The following PLCB1 variants were observed in gnomAD, a reference collection of about 807,000 sequenced individuals.
The protein encoded by PLCB1 is 1-phosphatidylinositol 4,5-bisphosphate phosphodiesterase beta-1.
In PLCB1, 46 loss-of-function variants were observed where a neutral mutation model predicts 161.8. The observed-to-expected ratio is 0.28, with a 90% confidence interval of 0.22 to 0.36. PLCB1 has a LOEUF of 0.36. Among genes scored for constraint, PLCB1 ranks in the 10% least tolerant of loss-of-function variants. The probability of loss-of-function intolerance (pLI) is 1.00; values close to 1 mark genes in which losing one functional copy is unlikely to be tolerated. For missense variants in PLCB1, 1,016 were observed against 1,472.5 expected (o/e 0.69, Z 5.07); for synonymous variants, 517 against 503.7 (o/e 1.03, Z -0.35).
intron 31 of PLCB1, among the ~76,000 whole-genome samples, chr20:8,793,262 C>G (rs759528046): frequency 3.9e-5 from 6 of 152,028 alleles, no homozygotes; most frequent in Admixed American, 3.3e-4. Flanking sequence ...GGATGAGGAA[C>G]GTGAGCTGAC....
intron 3 of PLCB1, among the ~76,000 whole-genome samples, chr20:8,622,802 C>A (rs138987301): frequency 2.7e-3 from 416 of 152,306 alleles, no homozygotes; most frequent in Middle Eastern, 6.8e-3. Flanking sequence ...AGACAAAGAT[C>A]CTGTCTGCCA....
chr20:8,285,146 T>G (rs928820426), intron 2 of PLCB1, among the ~76,000 whole-genome samples: 4 of 151,300 alleles, frequency 2.6e-5, no homozygotes, highest in Admixed American at 2.6e-4. Context: ...TCAAGGAATT[T>G]TATTGATCCT....
At chr20:8,338,915 G>C (rs965087127) in intron 2 of PLCB1, among the ~76,000 whole-genome samples, 2 of 152,120 alleles carry the variant, frequency 1.3e-5, no homozygotes, top group Non-Finnish European at 2.9e-5. Context: ...GTGTGTTTTT[G>C]TGTTTGGCTT....
At chr20:8,668,928 A>G (rs1989881711) in intron 9 of PLCB1, among the ~76,000 whole-genome samples, 1 of 152,222 alleles carries the variant, frequency 6.6e-6, no homozygotes, top group African/African-American at 2.4e-5. Context: ...AAAGTACCTG[A>G]TGCTTATTGA....
At chr20:8,856,476 C>T (rs548440510) in intron 31 of PLCB1, among the ~76,000 whole-genome samples, 42 of 151,958 alleles carry the variant, frequency 2.8e-4, no homozygotes, top group East Asian at 2.7e-3. Flanking sequence ...ATTAGCTGGG[C>T]GTGGGGGCAC....
chr20:8,594,830 A>G (rs1334763723), intron 3 of PLCB1, among the ~76,000 whole-genome samples: 2 of 152,220 alleles, frequency 1.3e-5, no homozygotes, highest in Non-Finnish European at 2.9e-5. Context: ...TTAGACACTA[A>G]GCACATCTCT....
At chr20:8,451,868 C>CCCTCTCTTCCTTTTTT (rs1309831574) in intron 3 of PLCB1, among the ~76,000 whole-genome samples, 2 of 151,724 alleles carry the variant, frequency 1.3e-5, no homozygotes, top group Non-Finnish European at 1.5e-5. Flanking sequence ...CTTCTTTCTT[C>CCCTCTCTTCCTTTTTT]CCTCTCTTCC....
intron 31 of PLCB1, among the ~76,000 whole-genome samples, chr20:8,829,257 C>T (rs1270403506): frequency 1.3e-5 from 2 of 152,122 alleles, no homozygotes; most frequent in Non-Finnish European, 2.9e-5. Context: ...CAGGAAAAGT[C>T]CGTGACCCCA....
At chr20:8,644,364 G>T (rs1186821597) in intron 4 of PLCB1, among the ~76,000 whole-genome samples, 10 of 146,744 alleles carry the variant, frequency 6.8e-5, no homozygotes, top group African/African-American at 2.6e-4. Context: ...GCCTCTTCCC[G>T]GCCGCCATCC....
chr20:8,225,664 C>T (rs1326545494), intron 2 of PLCB1, among the ~76,000 whole-genome samples: 2 of 152,166 alleles, frequency 1.3e-5, no homozygotes, highest in Non-Finnish European at 2.9e-5. Flanking sequence ...GTGGCAGGCA[C>T]AATGGGCAAT....
intron 31 of PLCB1, among the ~76,000 whole-genome samples, chr20:8,809,797 A>G (rs1984723553): frequency 6.6e-6 from 1 of 152,152 alleles, no homozygotes; most frequent in African/African-American, 2.4e-5. Flanking sequence ...TTGATCTATG[A>G]ACTTTCAGGC....
At chr20:8,803,613 T>C (rs562628552) in intron 31 of PLCB1, among the ~76,000 whole-genome samples, 2 of 152,236 alleles carry the variant, frequency 1.3e-5, no homozygotes, top group Admixed American at 6.5e-5. Context: ...GACCGACATA[T>C]AATATCAATT....
intron 3 of PLCB1, among the ~76,000 whole-genome samples, chr20:8,375,012 A>G (rs1284113721): frequency 6.6e-6 from 1 of 152,166 alleles, no homozygotes; most frequent in Non-Finnish European, 1.5e-5. Context: ...TCCATGTGTT[A>G]CCCTGTTTAT....
At chr20:8,503,173 G>A (rs996056327) in intron 3 of PLCB1, among the ~76,000 whole-genome samples, 2 of 152,158 alleles carry the variant, frequency 1.3e-5, no homozygotes, top group Non-Finnish European at 2.9e-5. Context: ...ACCAGTAGGA[G>A]TAGAATACTA....
At chr20:8,417,073 A>ATTTTTTT (rs3031852) in intron 3 of PLCB1, among the ~76,000 whole-genome samples, 11 of 39,884 alleles carry the variant, frequency 2.8e-4, no homozygotes, top group Non-Finnish European at 3.3e-4. Context: ...ATATATATAT[A>ATTTTTTT]TTTTTTTTTT....
chr20:8,397,360 A>G (rs950329097), intron 3 of PLCB1, among the ~76,000 whole-genome samples: 4 of 152,130 alleles, frequency 2.6e-5, no homozygotes, highest in Admixed American at 2.6e-4. Context: ...TTAGATTTAT[A>G]TATTTATAGT....
chr20:8,293,689 T>C (rs1983492042), intron 2 of PLCB1, among the ~76,000 whole-genome samples: 2 of 152,110 alleles, frequency 1.3e-5, no homozygotes, highest in African/African-American at 4.8e-5. Flanking sequence ...CTTAATATCA[T>C]TATGAAATTA....
chr20:8,156,338 C>T (rs1400916268), intron 2 of PLCB1, among the ~76,000 whole-genome samples: 3 of 152,308 alleles, frequency 2.0e-5, no homozygotes, highest in Non-Finnish European at 4.4e-5. Flanking sequence ...ACAGTGGCAA[C>T]TGGCTTGAAA....
intron 3 of PLCB1, among the ~76,000 whole-genome samples, chr20:8,545,181 T>G (rs1289031640): frequency 6.6e-6 from 1 of 152,048 alleles, no homozygotes; most frequent in Non-Finnish European, 1.5e-5. Flanking sequence ...AGAAAAGTGG[T>G]GTTTGAAGTG....
Sources: allele counts gnomAD v4.1 joint callset (sites outside exome capture counted in the v4.1 genomes callset), GRCh38; gene constraint gnomAD v4.1.1; transcripts MANE v1.5; gene names NCBI Gene and HGNC (gene_info 2026-07-23, HGNC 2026-07-21).